Variants in GABRG1 observed in about 807,000 individuals in gnomAD.
GABRG1 encodes the protein gamma-aminobutyric acid type A receptor subunit gamma1, also known as gamma-aminobutyric acid receptor subunit gamma-1.
In GABRG1, 49 loss-of-function variants were observed where a neutral mutation model predicts 49.8. The ratio of observed to expected loss-of-function variants is 0.98; its 90% CI spans 0.78 to 1.25. The LOEUF (loss-of-function observed/expected upper bound fraction) is 1.25, where lower values mean the gene tolerates loss of function less well. Ranked by LOEUF, GABRG1 falls within the 50% of genes most tolerant of loss-of-function variation. The probability of loss-of-function intolerance (pLI) is 0.00; values close to 1 mark genes in which losing one functional copy is unlikely to be tolerated. For missense variants in GABRG1, 552 were observed against 552.3 expected (o/e 1.00, Z 0.01); for synonymous variants, 232 against 185.1 (o/e 1.25, Z -2.06).
chr4:46,091,412 A>G (rs1719985658), intron 2 of GABRG1, among the ~76,000 whole-genome samples: 2 of 152,092 alleles, frequency 1.3e-5, no homozygotes, highest in South Asian at 4.1e-4. Flanking sequence ...ATGAAATACA[A>G]CCACATAACC....
At chr4:46,069,827 T>C (rs1270050174) in intron 3 of GABRG1, among the ~76,000 whole-genome samples, 2 of 152,038 alleles carry the variant, frequency 1.3e-5, no homozygotes, top group Non-Finnish European at 2.9e-5. Context: ...ATTAATAAAA[T>C]GTAGAAGGGG....
intron 2 of GABRG1, among the ~76,000 whole-genome samples, chr4:46,093,817 T>C (rs1720082948): frequency 6.6e-6 from 1 of 151,942 alleles, no homozygotes; most frequent in Admixed American, 6.6e-5. Flanking sequence ...TTTCAATATG[T>C]ATAAAGCAAA....
intron 2 of GABRG1, among the ~76,000 whole-genome samples, 195 bp downstream of exon 2, chr4:46,097,005 AT>A (rs1242957461): frequency 4.0e-5 from 6 of 151,416 alleles, no homozygotes; most frequent in Admixed American, 6.6e-5. Context: ...AATTACATTA[AT>A]TTTTTTTCTT....
intron 2 of GABRG1, among the ~76,000 whole-genome samples, chr4:46,094,926 A>G (rs1345588081): frequency 6.6e-6 from 1 of 151,994 alleles, no homozygotes; most frequent in Non-Finnish European, 1.5e-5. Flanking sequence ...CCCACACAAA[A>G]TAATAAGCAG....
chr4:46,099,622 A>G (rs1198710091), intron 1 of GABRG1, among the ~76,000 whole-genome samples: 2 of 151,670 alleles, frequency 1.3e-5, no homozygotes, highest in African/African-American at 4.8e-5. Context: ...TCCAAATCTC[A>G]CCAGTTTCTC....
intron 3 of GABRG1, among the ~76,000 whole-genome samples, chr4:46,079,825 C>G (rs1441397886): frequency 6.6e-6 from 1 of 151,792 alleles, no homozygotes; most frequent in Admixed American, 6.6e-5. Context: ...GAGATATTTA[C>G]TCAGAAGAGT....
chr4:46,089,880 C>T (rs1719918359), intron 2 of GABRG1, among the ~76,000 whole-genome samples: 2 of 152,010 alleles, frequency 1.3e-5, no homozygotes, highest in African/African-American at 4.8e-5. Flanking sequence ...GAGGGATCAG[C>T]TAAGCCCCAG....
At chr4:46,042,240 C>A (rs1419268116) in intron 8 of GABRG1, among the ~76,000 whole-genome samples, 1 of 151,876 alleles carries the variant, frequency 6.6e-6, no homozygotes, top group Non-Finnish European at 1.5e-5. Context: ...GCCTATATCA[C>A]AATTGATTAT....
Position 46,056,151 on chromosome 4 carries a change from T to TAAAAAAAAAAAAAAAAA in GABRG1, c.916+2049_916+2065dup, listed in dbSNP as rs1182116080. Among the ~76,000 whole-genome samples the TAAAAAAAAAAAAAAAAA allele has an allele frequency of 3.3e-4, 3 of 9,146 alleles. 1 individual carries two copies. The highest frequency in any genetic ancestry group is 1.9e-3 in the African/African-American group (2 of 1,028). 6.0% of individuals were successfully genotyped at this position (9,146 alleles called of 152,430 possible). A position where few individuals can be genotyped will look rare whatever the true frequency, so the allele number is the denominator to read the frequency against. ...AAAAAAAAAAAATAAATAAATAAAT[T>TAAAAAAAAAAAAAAAAA]AAAAAAAAAAAAAAAAAAAAAAAAA... On this transcript the variant is annotated intron_variant, in intron 7 of 8. Transcript: ENST00000295452.
Position 46,114,930 on chromosome 4 carries a change from G to A in GABRG1, c.104+8880C>T, listed in dbSNP as rs557405745. Among the ~76,000 whole-genome samples, 77 of 150,692 alleles carry A rather than the reference G, an allele frequency of 5.1e-4. 1 individual carries two copies. Among genetic ancestry groups the A allele is most frequent in the South Asian group, 3.5e-3 (17 of 4,812 alleles). On this transcript the variant is annotated intron_variant, in intron 1 of 8. Coordinates refer to ENST00000295452, the MANE Select transcript of GABRG1 (RefSeq NM_173536.4). ...ATAACAGGGAAGGTAAATGTCTTAC[G>A]TGAAGAAAACTAAAGAGTTTATTGA...
At chr4:46,114,657 A>G (rs1720829618) in intron 1 of GABRG1, among the ~76,000 whole-genome samples, 1 of 151,000 alleles carries the variant, frequency 6.6e-6, no homozygotes, top group African/African-American at 2.4e-5. Flanking sequence ...TAAGTAAGTG[A>G]ACAGAAAAAA....
intron 2 of GABRG1, among the ~76,000 whole-genome samples, chr4:46,084,898 A>T (rs967046148): frequency 1.3e-5 from 2 of 151,510 alleles, no homozygotes; most frequent in Non-Finnish European, 3.0e-5. Context: ...TTTGTTTCTG[A>T]CTAGCTAAGA....
Position 46,038,538 on chromosome 4 carries a change from G to A in GABRG1, c.*2450C>T, listed in dbSNP as rs943882655. The A allele has an allele frequency of 6.6e-6, 1 of 151,408 alleles. No homozygotes were observed. Among genetic ancestry groups the A allele is most frequent in the South Asian group, 2.1e-4 (1 of 4,826 alleles). 9.4% of individuals were successfully genotyped at this position (151,408 alleles called of 1,614,324 possible). ...CAATAAATTATTATATAACTCCCCA[G>A]AGAAAGAGGAAGATTTTTTAAAAAA... On this transcript the variant is annotated 3_prime_UTR_variant, in exon 9 of 9. Transcript: ENST00000295452.
chr4:46,111,073 G>A (rs954096390), intron 1 of GABRG1, among the ~76,000 whole-genome samples: 2 of 150,968 alleles, frequency 1.3e-5, no homozygotes, highest in African/African-American at 4.8e-5. Context: ...TTTTTAGAAA[G>A]TGTGTGATTC....
rs1329712412 is a variant in GABRG1 at position 46,036,918 on chromosome 4, G to C, written c.*4070C>G. The C allele has an allele frequency of 6.6e-6, 1 of 151,646 alleles. No homozygotes were observed. The highest frequency in any genetic ancestry group is 1.5e-5 in the Non-Finnish European group (1 of 67,818). The allele number at this position is 151,646 out of a possible 1,614,324, so 9.4% of individuals were successfully genotyped here. A position where few individuals can be genotyped will look rare whatever the true frequency, so the allele number is the denominator to read the frequency against. Reference sequence around the variant, plus strand: ...TATTGTTCTAACCTAACCTTTCATTGTCTCTATATGAATCTTAACTTCCAA... The same window carrying C: ...TATTGTTCTAACCTAACCTTTCATTCTCTCTATATGAATCTTAACTTCCAA... On this transcript the variant is annotated 3_prime_UTR_variant, in exon 9 of 9. Transcript: ENST00000295452.
chr4:46,075,085 T>A (rs991071692), intron 3 of GABRG1, among the ~76,000 whole-genome samples: 6 of 151,750 alleles, frequency 4.0e-5, no homozygotes, highest in Non-Finnish European at 5.9e-5. Flanking sequence ...ATATATATAT[T>A]TTAAAAAGTC....
chr4:46,095,264 A>C (rs2109430156), intron 2 of GABRG1, among the ~76,000 whole-genome samples: 1 of 151,974 alleles, frequency 6.6e-6, no homozygotes, highest in Middle Eastern at 3.4e-3. Flanking sequence ...AGGCAGGCAA[A>C]GTGTGACTAA....
rs1462873118 is a variant in GABRG1, at chr4:46,067,939, T to G, written c.322-2355A>C. On this transcript the variant is annotated intron_variant, in intron 3 of 8. Coordinates refer to ENST00000295452, the MANE Select transcript of GABRG1 (RefSeq NM_173536.4). ...ATTCTTTGAACCTTGTGAAAAATTC[T>G]TGGACAACTTCACTGAAGTTATCAT... 2.0e-5 allele frequency among the ~76,000 whole-genome samples: 3 copies of G among 152,264 alleles called. No individual in the cohort carries two copies. In the East Asian group the frequency reaches 5.8e-4, roughly 29 times the overall value.
intron 3 of GABRG1, among the ~76,000 whole-genome samples, chr4:46,083,611 T>C (rs1719650395): frequency 6.6e-6 from 1 of 151,624 alleles, no homozygotes; most frequent in South Asian, 2.1e-4. Context: ...GTTTCATTCC[T>C]CTGTGACTTT....
Sources: gnomAD v4.1 joint callset for allele counts (sites outside exome capture counted in the v4.1 genomes callset) on GRCh38, gnomAD v4.1.1 for gene constraint, MANE v1.5 for transcripts, NCBI Gene and HGNC (gene_info 2026-07-23, HGNC 2026-07-21) for gene names.